The following KIAA1755 variants were observed in gnomAD, a reference collection of about 807,000 sequenced individuals.
KIAA1755 encodes the protein uncharacterized protein KIAA1755.
In KIAA1755, 68 loss-of-function variants were observed where a neutral mutation model predicts 91.7. The ratio of observed to expected loss-of-function variants is 0.74; its 90% CI spans 0.61 to 0.91. KIAA1755 has a LOEUF of 0.91. Ranked by LOEUF, KIAA1755 falls within the 40% of genes least tolerant of loss-of-function variation. The pLI, the probability that KIAA1755 is intolerant of heterozygous loss-of-function variation, is 0.00. For missense variants in KIAA1755, 1,535 were observed against 1,494.4 expected (o/e 1.03, Z -0.45); for synonymous variants, 610 against 604.6 (o/e 1.01, Z -0.13).
Position 38,239,649 on chromosome 20 carries a change from T to G in KIAA1755, c.1626A>C (p.Pro542=), listed in dbSNP as rs761300433. 7 of 1,606,872 alleles carry G rather than the reference T, an allele frequency of 4.4e-6. No individual in the cohort carries two copies. The highest frequency in any genetic ancestry group is 3.4e-5 in the Admixed American group (2 of 58,324). Residue 542 remains proline, a synonymous_variant, in exon 4 of 14, where the codon CCA becomes CCC. Coordinates refer to ENST00000279024, the MANE Select transcript of KIAA1755 (RefSeq NM_001029864.2). The part of the protein sequence containing the change: ...SPLTEEKAAL[P]EASAGSPERG... Reference sequence around the variant, plus strand: ...TTTCTGGGGAGCCTGCAGAAGCTTCTGGCAAGGCAGCCTTTTCCTCAGTCA... The same window carrying G: ...TTTCTGGGGAGCCTGCAGAAGCTTCGGGCAAGGCAGCCTTTTCCTCAGTCA...
chr20:38,242,012 G>A (rs1477776897), intron 2 of KIAA1755, 83 bp from the exon 3 acceptor site: 1 of 1,397,106 alleles, frequency 7.2e-7, no homozygotes, highest in Non-Finnish European at 9.8e-7. Flanking sequence ...TCTCCCACGT[G>A]GAATCTGGAA....
Position 38,225,721 on chromosome 20 carries a change from C to A in KIAA1755, c.2113G>T (p.Ala705Ser). Residue 705 changes from alanine to serine, a missense_variant, in exon 8 of 14, where the codon GCA (alanine) becomes TCA (serine). By Grantham distance (99) the Ala-to-Ser change is moderately conservative. Transcript: ENST00000279024. The part of the protein sequence containing the change: ...SHHVDPSQLP[A>S]VLEGPFPYCH... ...TAGGGGAAGGGGCCTTCCAGGACTG[C>A]GGGCAGCTGGCTGGGGTCCACATGG... 1 of 1,610,316 alleles carries A rather than the reference C, an allele frequency of 6.2e-7. No individual in the cohort carries two copies. The highest frequency in any genetic ancestry group is 1.1e-5 in the South Asian group (1 of 90,464).
chr20:38,219,627 C>T lies in KIAA1755; in HGVS notation c.2556+3G>A. On this transcript the variant is annotated splice_donor_region_variant and intron_variant, in intron 11 of 13. Transcript: ENST00000279024. ...CACACCCCAAGCCAGACACCCCTTT[C>T]ACCTGGTGAATGGCAGCTTCCAGGC... The T allele has an allele frequency of 6.2e-7, 1 of 1,614,002 alleles. No individual in the cohort carries two copies. Among genetic ancestry groups the T allele is most frequent in the Non-Finnish European group, 8.5e-7 (1 of 1,180,012 alleles).
intron 1 of KIAA1755, among the ~76,000 whole-genome samples, chr20:38,250,232 C>CG (rs2123304403): frequency 6.6e-6 from 1 of 152,206 alleles, no homozygotes; most frequent in South Asian, 2.1e-4. Context: ...CCAGACTGCC[C>CG]GGGTTCAAAC....
chr20:38,240,771 T>C lies in KIAA1755; in HGVS notation c.1360A>G (p.Met454Val), dbSNP rs143825509. Residue 454 changes from methionine to valine, a missense_variant, in exon 3 of 14, where the codon ATG (methionine) becomes GTG (valine). By Grantham distance (21) the Met-to-Val change is conservative (BLOSUM62 1). Transcript: ENST00000279024. ...KERNGRLPKP[M>V]PCPSRNTSSP... ...GAGGTGTTTCTGCTAGGGCAGGGCA[T>C]GGGCTTGGGAAGTCTCCCATTTCTC... 89 of 1,599,456 alleles carry C rather than the reference T, an allele frequency of 5.6e-5. No homozygotes were observed. Among genetic ancestry groups the C allele is most frequent in the Admixed American group, 2.6e-4 (15 of 58,508 alleles).
Position 38,240,857 on chromosome 20 carries a change from A to C in KIAA1755, c.1274T>G (p.Leu425Arg). 6.2e-7 allele frequency: 1 copy of C among 1,614,080 alleles called. No homozygotes were observed. The highest frequency in any genetic ancestry group is 1.1e-5 in the South Asian group (1 of 91,078). Residue 425 changes from leucine (L) to arginine (R), a missense_variant, in exon 3 of 14, where the codon CTG becomes CGG. Transcript: ENST00000279024. ...PGPRQASSPR[L>R]SPASPAAAAS... ...TGCAGCTGCAGGAGAAGCTGGGGAC[A>C]GGCGGGGAGAGGAGGCTTGTCTTGG...
At position 38,227,165 on chromosome 20, in the gene KIAA1755, G is replaced by A; in HGVS notation, c.2041C>T (p.Pro681Ser). The A allele has an allele frequency of 6.2e-7, 1 of 1,613,682 alleles. No individual in the cohort carries two copies. The highest frequency in any genetic ancestry group is 8.5e-7 in the Non-Finnish European group (1 of 1,179,704). ...TGAGTCCCCCTCACCTGGACGTCAG[G>A]TAATGTCTGCAGCTGGAGAGCCGCC... Reference protein sequence around the residue: ...KEAALQLQTLPDVQVEVLTSL... With the variant: ...KEAALQLQTLSDVQVEVLTSL... The change falls in exon 7 of 14, where the codon CCT becomes TCT. Residue 681 changes from proline to serine, a missense_variant. Physicochemically the swap from Pro to Ser is moderately conservative, Grantham distance 74. Transcript: ENST00000279024.
rs900132862 is a variant in KIAA1755 at position 38,213,384 on chromosome 20, C to T, written c.3261G>A (p.Lys1087=). Residue 1087 remains lysine, a synonymous_variant, in exon 14 of 14, where the codon AAG becomes AAA. Coordinates refer to ENST00000279024, the MANE Select transcript of KIAA1755 (RefSeq NM_001029864.2). ...CTAGTGGAGGCTGATCCCACCTCCCCTTGGAAGTGACCTCTACACTCACAC... is the reference window on the plus strand; with the variant it reads ...CTAGTGGAGGCTGATCCCACCTCCCTTTGGAAGTGACCTCTACACTCACAC... ...GQGVSVEVTS[K]GRWDQPPLDS... is the part of the protein sequence containing the mutation. The T allele has an allele frequency of 1.9e-6, 3 of 1,602,872 alleles. No individual in the cohort carries two copies. The highest frequency in any genetic ancestry group is 2.6e-6 in the Non-Finnish European group (3 of 1,174,312).
intron 13 of KIAA1755, 143 bp downstream of exon 13, chr20:38,217,110 G>C (rs1337256513): frequency 3.3e-5 from 23 of 696,902 alleles, no homozygotes; most frequent in Non-Finnish European, 3.9e-5. Context: ...AGTGGGTGGG[G>C]GGGGGCTGTG....
chr20:38,233,045 C>T (rs1003056931), intron 4 of KIAA1755, among the ~76,000 whole-genome samples: 2 of 151,886 alleles, frequency 1.3e-5, no homozygotes, highest in Non-Finnish European at 2.9e-5. Flanking sequence ...TCGCTTGAGC[C>T]GGGGAGGTTG....
At chr20:38,255,201 C>T (rs2076319921) in intron 1 of KIAA1755, among the ~76,000 whole-genome samples, 1 of 151,974 alleles carries the variant, frequency 6.6e-6, no homozygotes, top group African/African-American at 2.4e-5. Flanking sequence ...CTGTCTCTTC[C>T]ATCTTCCTGC....
intron 8 of KIAA1755, among the ~76,000 whole-genome samples, chr20:38,223,844 A>G (rs1268055926): frequency 2.6e-5 from 4 of 152,200 alleles, no homozygotes; most frequent in Admixed American, 2.6e-4. Context: ...GGCATGGTAG[A>G]AAGTGCATTT....
intron 4 of KIAA1755, chr20:38,233,601 G>A (rs1203116709): frequency 6.6e-6 from 1 of 152,110 alleles, no homozygotes; most frequent in African/African-American, 2.4e-5. Context: ...TAGAGACCAT[G>A]CCTGATTCAC....
At chr20:38,236,289 G>A (rs896245388) in intron 4 of KIAA1755, among the ~76,000 whole-genome samples, 5 of 151,914 alleles carry the variant, frequency 3.3e-5, no homozygotes, top group South Asian at 2.1e-4. Context: ...AGACCTCCAC[G>A]CAGAGACATC....
At chr20:38,239,879 T>G (rs1002981966) in intron 3 of KIAA1755, among the ~76,000 whole-genome samples, 154 bp from the exon 4 acceptor site, 5 of 152,166 alleles carry the variant, frequency 3.3e-5, no homozygotes, top group Non-Finnish European at 7.4e-5. Flanking sequence ...TTACTTCTAG[T>G]GTTACCCCTC....
At position 38,247,533 on chromosome 20, in the gene KIAA1755, T is replaced by TG. The variant is rs150483651; in HGVS notation, c.4-1408dup. The stretch of plus-strand genomic sequence containing the variant: ...CAGGGAGATCAGGTGTCCCCTTTTC[T>TG]GGGATCCTATAGTACCCCTATTACA... On this transcript the variant is annotated intron_variant, in intron 1 of 13. Transcript: ENST00000279024. Among the ~76,000 whole-genome samples, 835 of 152,350 alleles carry TG rather than the reference T, an allele frequency of 5.5e-3. 16 individuals are homozygous for TG. The East Asian group carries it at 0.063, about 12-fold the overall frequency.
chr20:38,255,390 G>A (rs2076323656), intron 1 of KIAA1755, among the ~76,000 whole-genome samples: 2 of 152,142 alleles, frequency 1.3e-5, no homozygotes, highest in Non-Finnish European at 2.9e-5. Context: ...AGGGGCTTGG[G>A]GCACACACCC....
At chr20:38,227,724 C>T (rs965079515) in intron 6 of KIAA1755, among the ~76,000 whole-genome samples, 1 of 152,216 alleles carries the variant, frequency 6.6e-6, no homozygotes, top group Non-Finnish European at 1.5e-5. Flanking sequence ...GAAATTTTTG[C>T]TGAGACCTCT....
chr20:38,237,109 G>A (rs2075972674), intron 4 of KIAA1755, among the ~76,000 whole-genome samples: 1 of 150,134 alleles, frequency 6.7e-6, no homozygotes, highest in African/African-American at 2.4e-5. Context: ...CTTCCTTCTG[G>A]TCTGACTGAG....
Sources: allele counts gnomAD v4.1 joint callset (sites outside exome capture counted in the v4.1 genomes callset), GRCh38; gene constraint gnomAD v4.1.1; transcripts MANE v1.5; gene names NCBI Gene and HGNC (gene_info 2026-07-23, HGNC 2026-07-21).